Variants in JAKMIP1 observed in about 807,000 individuals in gnomAD.
JAKMIP1 encodes janus kinase and microtubule interacting protein 1.
Under a neutral mutation model 113.0 loss-of-function variants are expected in JAKMIP1, and 33 were observed. The ratio of observed to expected loss-of-function variants is 0.29; its 90% CI spans 0.22 to 0.39. JAKMIP1 has a LOEUF of 0.39. Ranked by LOEUF, JAKMIP1 falls within the 10% of genes least tolerant of loss-of-function variation. The pLI is 1.00. For synonymous variants in JAKMIP1, 480 were observed against 459.9 expected, an observed-to-expected ratio of 1.04 and a Z score of -0.56; for missense variants, 813 against 1,080.5, an observed-to-expected ratio of 0.75 and a Z score of 3.47.
chr4:6,169,353 G>A (rs1724049133), intron 1 of JAKMIP1, among the ~76,000 whole-genome samples: 1 of 152,100 alleles, frequency 6.6e-6, no homozygotes, highest in African/African-American at 2.4e-5. Flanking sequence ...TCAGACAGAC[G>A]CAGCAGGAGG....
At chr4:6,091,381 C>T (rs1249604054) in intron 3 of JAKMIP1, among the ~76,000 whole-genome samples, 1 of 152,218 alleles carries the variant, frequency 6.6e-6, no homozygotes, top group Non-Finnish European at 1.5e-5. Context: ...TTTTACTTCT[C>T]TTACATATAC....
In JAKMIP1 at chr4:6,153,844, T is replaced by A. The variant is rs1170596251; in HGVS notation, c.-147-40847A>T. 6.6e-6 allele frequency among the ~76,000 whole-genome samples: 1 copy of A among 152,246 alleles called. No homozygotes were observed. Among genetic ancestry groups the A allele is most frequent in the Non-Finnish European group, 1.5e-5 (1 of 68,042 alleles). ...AAGTATTATTAAAATAAATTATGTT[T>A]GGCTACTGTCACCTAAAATCTCACA... On this transcript the variant is annotated intron_variant, in intron 1 of 20. Transcript: ENST00000409021. This position sits in a 1 kb window ranked among gnomAD's most constrained non-coding sequence, Gnocchi z 4.9.
intron 1 of JAKMIP1, among the ~76,000 whole-genome samples, chr4:6,113,582 A>G (rs951052533): frequency 5.3e-5 from 8 of 152,220 alleles, no homozygotes; most frequent in Non-Finnish European, 1.2e-4. Context: ...GGAAACTGAG[A>G]CACACAGAGG....
chr4:6,040,823 T>G lies in JAKMIP1; in HGVS notation c.2098-107A>C. On this transcript the variant is annotated intron_variant, in intron 17 of 20. Transcript: ENST00000409021. This position sits in a 1 kb window ranked among gnomAD's most constrained non-coding sequence, Gnocchi z 5.8. ...GGCAGTCTCACCGAATTGGGGGCACTCAGATGAGAAGGGACTTGGTGGTCT... is the reference window on the plus strand; with the variant it reads ...GGCAGTCTCACCGAATTGGGGGCACGCAGATGAGAAGGGACTTGGTGGTCT... The G allele has an allele frequency of 2.4e-6, 2 of 824,652 alleles. No individual in the cohort carries two copies. Among genetic ancestry groups the G allele is most frequent in the Non-Finnish European group, 4.0e-6 (2 of 494,054 alleles). 51.1% of individuals were successfully genotyped at this position (824,652 alleles called of 1,614,324 possible). A position where few individuals can be genotyped will look rare whatever the true frequency, so the allele number is the denominator to read the frequency against.
In JAKMIP1 at chr4:6,031,216, G is replaced by A. The variant is rs181589554; in HGVS notation, c.2380-1435C>T. On this transcript the variant is annotated intron_variant, in intron 19 of 20. Coordinates refer to ENST00000409021, the MANE Select transcript of JAKMIP1 (RefSeq NM_001099433.2). This position sits in a 1 kb window ranked among gnomAD's most constrained non-coding sequence, Gnocchi z 4.4. ...TGGAGGCCGAGGCAGGTGGATCACC[G>A]GAGGTCAGGAGTTCAAGACCAGCCT... Among the ~76,000 whole-genome samples, 391 of 152,166 alleles carry A rather than the reference G, an allele frequency of 2.6e-3. 4 individuals carry two copies. The highest frequency in any genetic ancestry group is 9.0e-3 in the African/African-American group (373 of 41,504).
intron 1 of JAKMIP1, among the ~76,000 whole-genome samples, chr4:6,131,173 A>AAAAAAAAAAAAAAG (rs71173409): frequency 0.039 from 3,715 of 94,742 alleles, 205 homozygotes; most frequent in East Asian, 0.063. Context: ...AAAAAAAAAA[A>AAAAAAAAAAAAAAG]AATATCCCAG....
In JAKMIP1 at chr4:6,089,137, C is replaced by T. The variant is rs1721690839; in HGVS notation, c.625-3508G>A. The stretch of plus-strand genomic sequence containing the variant: ...GGACCTGGCACAGTGGTGGCATCCC[C>T]CCAGCACAGCATGAGAGCCCACAGC... On this transcript the variant is annotated intron_variant, in intron 3 of 20. Transcript: ENST00000409021. The surrounding 1 kb of genome is among the most constrained non-coding windows in gnomAD (Gnocchi z 5.3). 6.6e-6 allele frequency among the ~76,000 whole-genome samples: 1 copy of T among 152,178 alleles called. No homozygotes were observed. Among genetic ancestry groups the T allele is most frequent in the Non-Finnish European group, 1.5e-5 (1 of 68,034 alleles).
chr4:6,142,491 T>C lies in JAKMIP1; in HGVS notation c.-147-29494A>G, dbSNP rs1193959179. ...GAAGTCCTACGTACACTCAGCAATA[T>C]GTAACAGTTAAGGGATTTTGCTTTT... On this transcript the variant is annotated intron_variant, in intron 1 of 20. Transcript: ENST00000409021. This position sits in a 1 kb window ranked among gnomAD's most constrained non-coding sequence, Gnocchi z 5.5. Among the ~76,000 whole-genome samples, 1 of 152,236 alleles carries C rather than the reference T, an allele frequency of 6.6e-6. No homozygotes were observed. Among genetic ancestry groups the C allele is most frequent in the Non-Finnish European group, 1.5e-5 (1 of 68,046 alleles).
intron 19 of JAKMIP1, 97 bp downstream of exon 19, chr4:6,035,807 G>A: frequency 9.6e-7 from 1 of 1,037,780 alleles, no homozygotes; most frequent in Non-Finnish European, 1.4e-6. Context: ...TCCCTGGAAT[G>A]AGCCTGGGGC....
intron 2 of JAKMIP1, among the ~76,000 whole-genome samples, chr4:6,111,175 C>A (rs867317829): frequency 1.3e-5 from 2 of 152,290 alleles, no homozygotes; most frequent in Middle Eastern, 6.8e-3. Flanking sequence ...CTGGATCTGG[C>A]CCAGCACTCC....
At position 6,042,730 on chromosome 4, in the gene JAKMIP1, G is replaced by A. The variant is rs1397969853; in HGVS notation, c.2029-503C>T. 6.6e-6 allele frequency among the ~76,000 whole-genome samples: 1 copy of A among 152,092 alleles called. No individual in the cohort carries two copies. The highest frequency in any genetic ancestry group is 1.9e-4 in the East Asian group (1 of 5,156). On this transcript the variant is annotated intron_variant, in intron 16 of 20. Transcript: ENST00000409021. This position sits in a 1 kb window ranked among gnomAD's most constrained non-coding sequence, Gnocchi z 5.2. ...AGATTTGGAACCCAGCCTGCAGGAT[G>A]CCAAAGCCACTGCCCTCATCCCTCC...
rs191712658 is a variant in JAKMIP1, at chr4:6,154,299, C to T, written c.-147-41302G>A. 2.8e-4 allele frequency among the ~76,000 whole-genome samples: 42 copies of T among 152,202 alleles called. No homozygotes were observed. Among genetic ancestry groups the T allele is most frequent in the Admixed American group, 2.1e-3 (32 of 15,294 alleles). ...AGGCCATTGAACTACTTTAATAATTCGGTCATTTTCACATCAAAACCATTG... is the reference window on the plus strand; with the variant it reads ...AGGCCATTGAACTACTTTAATAATTTGGTCATTTTCACATCAAAACCATTG... On this transcript the variant is annotated intron_variant, in intron 1 of 20. Coordinates refer to ENST00000409021, the MANE Select transcript of JAKMIP1 (RefSeq NM_001099433.2). The surrounding 1 kb of genome is among the most constrained non-coding windows in gnomAD (Gnocchi z 4.2).
In JAKMIP1 at chr4:6,116,314, T is replaced by C. The variant is rs930307579; in HGVS notation, c.-147-3317A>G. ...AGCAGGGAACTCTCCTGCCTGAGCT[T>C]AGCTTGGTGTCTGCTGCGCCCGGGG... On this transcript the variant is annotated intron_variant, in intron 1 of 20. Coordinates refer to ENST00000409021, the MANE Select transcript of JAKMIP1 (RefSeq NM_001099433.2). This position sits in a 1 kb window ranked among gnomAD's most constrained non-coding sequence, Gnocchi z 5.1. 6.6e-6 allele frequency among the ~76,000 whole-genome samples: 1 copy of C among 152,070 alleles called. No homozygotes were observed. Among genetic ancestry groups the C allele is most frequent in the Non-Finnish European group, 1.5e-5 (1 of 68,014 alleles).
In JAKMIP1 at chr4:6,153,905, G is replaced by A. The variant is rs1000240823; in HGVS notation, c.-147-40908C>T. Reference sequence around the variant, plus strand: ...GGTGAGCACTCTCACTGAGAAATGCGGAACCAGCTACCCGCTCCCTGAGGC... The same window carrying A: ...GGTGAGCACTCTCACTGAGAAATGCAGAACCAGCTACCCGCTCCCTGAGGC... On this transcript the variant is annotated intron_variant, in intron 1 of 20. Transcript: ENST00000409021. This position sits in a 1 kb window ranked among gnomAD's most constrained non-coding sequence, Gnocchi z 4.9. 5.9e-5 allele frequency among the ~76,000 whole-genome samples: 9 copies of A among 152,180 alleles called. No individual in the cohort carries two copies. The highest frequency in any genetic ancestry group is 5.9e-4 in the Admixed American group (9 of 15,284).
intron 11 of JAKMIP1, 62 bp from the exon 12 acceptor site, chr4:6,056,821 CT>C: frequency 8.8e-7 from 1 of 1,140,304 alleles, no homozygotes; most frequent in Non-Finnish European, 1.3e-6. Flanking sequence ...AAGTAACAAA[CT>C]TTTAGTGAGA....
chr4:6,072,589 G>A (rs929753751), intron 8 of JAKMIP1, among the ~76,000 whole-genome samples: 1 of 152,206 alleles, frequency 6.6e-6, no homozygotes, highest in Non-Finnish European at 1.5e-5. Context: ...CAGACATGAA[G>A]TAGCCACTGG....
At chr4:6,046,030 T>C (rs6446446) in intron 16 of JAKMIP1, among the ~76,000 whole-genome samples, 44,149 of 152,170 alleles carry the variant, frequency 0.29, 10,385 homozygotes, top group African/African-American at 0.65. Context: ...TTGCAGGTGC[T>C]CACCCCCTTT....
rs956498863 is a variant in JAKMIP1, at chr4:6,199,470, C to G, written c.-148+783G>C. Among the ~76,000 whole-genome samples, 3 of 152,166 alleles carry G rather than the reference C, an allele frequency of 2.0e-5. No homozygotes were observed. Among genetic ancestry groups the G allele is most frequent in the African/African-American group, 4.8e-5 (2 of 41,452 alleles). ...AGCGCACTGACGCAGGCCAGCGAGG[C>G]CGCTGGCCCCGACGCAGGGCGCCCG... On this transcript the variant is annotated intron_variant, in intron 1 of 20. Transcript: ENST00000409021. This position sits in a 1 kb window ranked among gnomAD's most constrained non-coding sequence, Gnocchi z 5.6.
In JAKMIP1 at chr4:6,080,380, G is replaced by C. The variant is rs1248619207; in HGVS notation, c.1102-68C>G. On this transcript the variant is annotated intron_variant, in intron 6 of 20. Transcript: ENST00000409021. This position sits in a 1 kb window ranked among gnomAD's most constrained non-coding sequence, Gnocchi z 6.0. ...ACAGTGTTTGTTAGGGACAGTGCTG[G>C]AGTGGAGCTCAGGGGTGCAGGGACA... 1 of 1,560,100 alleles carries C rather than the reference G, an allele frequency of 6.4e-7. No individual in the cohort carries two copies. Among genetic ancestry groups the C allele is most frequent in the Non-Finnish European group, 8.7e-7 (1 of 1,147,658 alleles).
Sources: allele counts gnomAD v4.1 joint callset (sites outside exome capture counted in the v4.1 genomes callset), GRCh38; gene constraint gnomAD v4.1.1; non-coding constraint Gnocchi (gnomAD v3.1); transcripts MANE v1.5; gene names NCBI Gene and HGNC (gene_info 2026-07-23, HGNC 2026-07-21).